The following SUPT6H variants were observed in gnomAD, a reference collection of about 807,000 sequenced individuals.
SUPT6H encodes transcription elongation factor SPT6.
SUPT6H carries 11 observed loss-of-function variants against 222.3 expected under a neutral mutation model. That is an observed-to-expected ratio of 0.05 (90% CI 0.03 to 0.08). SUPT6H has a LOEUF of 0.08. Ranked by LOEUF, SUPT6H falls within the 10% of genes least tolerant of loss-of-function variation. The pLI is 1.00. For synonymous variants in SUPT6H, 762 were observed against 801.2 expected (o/e 0.95, Z 0.83); for missense variants, 1,422 against 2,216.0 (o/e 0.64, Z 7.19).
intron 27 of SUPT6H, among the ~76,000 whole-genome samples, chr17:28,692,321 C>CAA (rs764698257): frequency 3.6e-5 from 4 of 110,026 alleles, no homozygotes; most frequent in Non-Finnish European, 3.8e-5. Flanking sequence ...GACTCTGTCT[C>CAA]AAAAAAAAAA....
intron 11 of SUPT6H, among the ~76,000 whole-genome samples, chr17:28,679,380 A>AAAAAGAATT (rs2030953021): frequency 6.6e-6 from 1 of 152,150 alleles, no homozygotes; most frequent in Non-Finnish European, 1.5e-5. Context: ...CTCAAAAAAA[A>AAAAAGAATT]AAAAGAATTA....
intron 23 of SUPT6H, 136 bp from the exon 24 acceptor site, chr17:28,687,955 T>C: frequency 1.1e-6 from 1 of 878,876 alleles, no homozygotes; most frequent in Non-Finnish European, 1.6e-6. Context: ...TTTTGAGTGG[T>C]CGATAGCATG....
At position 28,676,279 on chromosome 17, in the gene SUPT6H, G is replaced by A. The variant is rs2030740652; in HGVS notation, c.746G>A (p.Gly249Asp). ...GAGTATGAGGATGATGAGGCTGAGGGTGAAATCCGAGTGCGCCCCAAGAAG... is the reference window on the plus strand; with the variant it reads ...GAGTATGAGGATGATGAGGCTGAGGATGAAATCCGAGTGCGCCCCAAGAAG... ...EYEYEDDEAE[G>D]EIRVRPKKTT... Residue 249 changes from glycine (G) to aspartate (D), a missense_variant, in exon 7 of 37, where the codon GGT becomes GAT. Physicochemically the swap from Gly to Asp is moderately conservative, Grantham distance 94. This residue lies in a region of SUPT6H where 389 missense variants were observed against 544.6 expected (regional missense o/e 0.71). Transcript: ENST00000314616. The A allele has an allele frequency of 2.5e-6, 4 of 1,613,826 alleles. No individual in the cohort carries two copies. In the South Asian group the frequency reaches 4.4e-5, roughly 18 times the overall value.
chr17:28,688,161 A>G lies in SUPT6H; in HGVS notation c.3077A>G (p.Lys1026Arg). ...QLVTMCHMGP[K>R]VFMNCAGFLK... Reference sequence around the variant, plus strand: ...GTCACCATGTGCCACATGGGTCCCAAAGTCTTCATGAATTGTGCTGGCTTC... The same window carrying G: ...GTCACCATGTGCCACATGGGTCCCAGAGTCTTCATGAATTGTGCTGGCTTC... Residue 1026 changes from lysine to arginine, a missense_variant, in exon 24 of 37, where the codon AAA becomes AGA. Transcript: ENST00000314616. This position sits in a 1 kb window ranked among gnomAD's most constrained non-coding sequence, Gnocchi z 4.3. The G allele has an allele frequency of 6.2e-7, 1 of 1,613,894 alleles. No homozygotes were observed. Among genetic ancestry groups the G allele is most frequent in the Non-Finnish European group, 8.5e-7 (1 of 1,179,938 alleles).
rs775652609 is a variant in SUPT6H, at chr17:28,674,972, A to G, written c.348A>G (p.Gln116=). The part of the protein sequence containing the change: ...ENLGVKVKRG[Q]KYRRVKKMSD... ...AAGGCAGGTTTTCCCACCCCTAGCA[A>G]AAGTACCGGCGTGTCAAAAAAATGT... The change falls in exon 5 of 37, where the codon CAA becomes CAG. Residue 116 remains glutamine, a splice_region_variant and synonymous_variant. Coordinates refer to ENST00000314616, the MANE Select transcript of SUPT6H (RefSeq NM_003170.5). The G allele has an allele frequency of 5.6e-6, 9 of 1,613,394 alleles. No individual in the cohort carries two copies. The highest frequency in any genetic ancestry group is 2.2e-5 in the East Asian group (1 of 44,876).
rs575563746 is a variant in SUPT6H at position 28,701,873 on chromosome 17, G to T, written c.*248G>T. 3.9e-6 allele frequency: 2 copies of T among 509,450 alleles called. No homozygotes were observed. Among genetic ancestry groups the T allele is most frequent in the African/African-American group, 1.9e-5 (1 of 52,950 alleles). The allele number at this position is 509,450 out of a possible 1,614,324, so 31.6% of individuals were successfully genotyped here. On this transcript the variant is annotated 3_prime_UTR_variant, in exon 37 of 37. Coordinates refer to ENST00000314616, the MANE Select transcript of SUPT6H (RefSeq NM_003170.5). Reference sequence around the variant, plus strand: ...GTCCTGGGACCAGGCTGGGAGGGGAGTGTGGCAGGGAGGAGGAAGAGGAAG... The same window carrying T: ...GTCCTGGGACCAGGCTGGGAGGGGATTGTGGCAGGGAGGAGGAAGAGGAAG...
Position 28,687,445 on chromosome 17 carries a change from C to T in SUPT6H, c.2980C>T (p.Pro994Ser), listed in dbSNP as rs776183252. The change falls in exon 23 of 37, where the codon CCT (proline) becomes TCT (serine). Residue 994 changes from proline to serine, a missense_variant. By Grantham distance (74) the Pro-to-Ser change is moderately conservative. Coordinates refer to ENST00000314616, the MANE Select transcript of SUPT6H (RefSeq NM_003170.5). ...ALIQYVCGLG[P>S]RKGTHLLKIL... ...GATCCAGTATGTTTGTGGCCTGGGA[C>T]CTCGGAAAGGGACCCACCTCCTGAA... 6.2e-7 allele frequency: 1 copy of T among 1,614,076 alleles called. No homozygotes were observed. Among genetic ancestry groups the T allele is most frequent in the Non-Finnish European group, 8.5e-7 (1 of 1,180,030 alleles).
Position 28,678,583 on chromosome 17 carries a change from G to T in SUPT6H, c.1155G>T (p.Glu385Asp), listed in dbSNP as rs770130597. The change falls in exon 10 of 37, where the codon GAG becomes GAT. Residue 385 changes from glutamate to aspartate, a missense_variant. Physicochemically the swap from Glu to Asp is conservative, Grantham distance 45 (BLOSUM62 2). Transcript: ENST00000314616. Reference protein sequence around the residue: ...FIAFYRKEYVEPELHINDLWR... With the variant: ...FIAFYRKEYVDPELHINDLWR... Reference sequence around the variant, plus strand: ...CCTTCTATCGAAAGGAGTATGTGGAGCCTGAGTTGCACATCAATGACCTAT... The same window carrying T: ...CCTTCTATCGAAAGGAGTATGTGGATCCTGAGTTGCACATCAATGACCTAT... The T allele has an allele frequency of 1.2e-6, 2 of 1,614,184 alleles. No homozygotes were observed. Among genetic ancestry groups the T allele is most frequent in the Admixed American group, 3.3e-5 (2 of 60,022 alleles).
chr17:28,667,542 A>G (rs147420373), intron 1 of SUPT6H, among the ~76,000 whole-genome samples: 1 of 148,856 alleles, frequency 6.7e-6, no homozygotes, highest in East Asian at 2.0e-4. Context: ...TGTTTTATAT[A>G]TATATATGTA....
chr17:28,698,701 A>G (rs1236442768), intron 32 of SUPT6H, among the ~76,000 whole-genome samples: 1 of 152,186 alleles, frequency 6.6e-6, no homozygotes, highest in African/African-American at 2.4e-5. Flanking sequence ...GGCCATGTGC[A>G]CTTCTGCTTT....
rs961406093 is a variant in SUPT6H at position 28,686,965 on chromosome 17, G to T, written c.2701-123G>T. ...GATTGGGAGTCCCAGAAATTAAATC[G>T]GTCTCAGGAAAAAAGATCCCAGAGA... On this transcript the variant is annotated intron_variant, in intron 21 of 36. Transcript: ENST00000314616. The T allele has an allele frequency of 4.0e-6, 6 of 1,496,692 alleles. No homozygotes were observed. In the Admixed American group the frequency reaches 6.4e-5, roughly 16 times the overall value. The allele number at this position is 1,496,692 out of a possible 1,614,324, so 92.7% of individuals were successfully genotyped here.
At position 28,665,584 on chromosome 17, in the gene SUPT6H, C is replaced by T. The variant is rs528071230; in HGVS notation, c.-32+3242C>T. 5.3e-5 allele frequency among the ~76,000 whole-genome samples: 8 copies of T among 152,228 alleles called. No individual in the cohort carries two copies. In the South Asian group the frequency reaches 1.2e-3, roughly 24 times the overall value. On this transcript the variant is annotated intron_variant, in intron 1 of 36. Coordinates refer to ENST00000314616, the MANE Select transcript of SUPT6H (RefSeq NM_003170.5). ...CCCAGGCTGGCCAACATGGTGAAAC[C>T]CCGTCTCTGTTAAAGATACAAAGAA...
rs764210298 is a variant in SUPT6H, at chr17:28,695,472, A to G, written c.3895A>G (p.Thr1299Ala). The change falls in exon 29 of 37, where the codon ACC (threonine) becomes GCC (alanine). Residue 1299 changes from threonine (T) to alanine (A), a missense_variant. Thr to Ala is a moderately conservative substitution (Grantham distance 58, BLOSUM62 0). Around this residue, in one of 13 missense-constraint regions of SUPT6H, gnomAD observed 395 missense variants for 580.6 expected, o/e 0.68. Coordinates refer to ENST00000314616, the MANE Select transcript of SUPT6H (RefSeq NM_003170.5). Reference sequence around the variant, plus strand: ...CAATGAGTGGAAGCTGCCCAAAGACACCTACTATGACTTTGATGCTGAAGC... The same window carrying G: ...CAATGAGTGGAAGCTGCCCAAAGACGCCTACTATGACTTTGATGCTGAAGC... ...RNNEWKLPKDTYYDFDAEAAD... is the reference protein window; with the variant it reads ...RNNEWKLPKDAYYDFDAEAAD... 1 of 1,614,068 alleles carries G rather than the reference A, an allele frequency of 6.2e-7. No homozygotes were observed. The highest frequency in any genetic ancestry group is 8.5e-7 in the Non-Finnish European group (1 of 1,180,026).
intron 35 of SUPT6H, 73 bp from the exon 36 acceptor site, chr17:28,700,868 G>A: frequency 3.3e-6 from 5 of 1,522,794 alleles, no homozygotes; most frequent in African/African-American, 2.7e-5. Flanking sequence ...CCACCCTTGC[G>A]CTTACCCAGA....
At position 28,688,483 on chromosome 17, in the gene SUPT6H, C is replaced by G. The variant is rs1441630456; in HGVS notation, c.3134+265C>G. Reference sequence around the variant, plus strand: ...AGCATGGAAAACACAAGATTTTGTTCAGTAAACACAAACTTGCTTTTTTAT... The same window carrying G: ...AGCATGGAAAACACAAGATTTTGTTGAGTAAACACAAACTTGCTTTTTTAT... On this transcript the variant is annotated intron_variant, in intron 24 of 36. Transcript: ENST00000314616. The surrounding 1 kb of genome is among the most constrained non-coding windows in gnomAD (Gnocchi z 4.3). The G allele has an allele frequency of 3.7e-6, 1 of 270,462 alleles. No individual in the cohort carries two copies. The highest frequency in any genetic ancestry group is 5.3e-5 in the Admixed American group (1 of 18,826). 16.8% of individuals were successfully genotyped at this position (270,462 alleles called of 1,614,324 possible).
Position 28,678,196 on chromosome 17 carries a change from A to G in SUPT6H, c.1116+4A>G. 6.2e-7 allele frequency: 1 copy of G among 1,603,878 alleles called. No homozygotes were observed. The highest frequency in any genetic ancestry group is 8.5e-7 in the Non-Finnish European group (1 of 1,173,296). On this transcript the variant is annotated splice_donor_region_variant and intron_variant, in intron 9 of 36. Transcript: ENST00000314616. ...CATGCGAAATCAGCATTTTGAGGTA[A>G]CACCTCAAGCTCTGGTGGCCCATTG...
At chr17:28,669,099 A>T (rs1255480078) in intron 1 of SUPT6H, among the ~76,000 whole-genome samples, 1 of 152,234 alleles carries the variant, frequency 6.6e-6, no homozygotes, top group Non-Finnish European at 1.5e-5. Context: ...TATTTACCAG[A>T]TTCGAAATTA....
Position 28,697,637 on chromosome 17 carries a change from T to A in SUPT6H, c.4227T>A (p.Asp1409Glu). 6.3e-7 allele frequency: 1 copy of A among 1,597,788 alleles called. No individual in the cohort carries two copies. Among genetic ancestry groups the A allele is most frequent in the African/African-American group, 1.3e-5 (1 of 74,738 alleles). Residue 1409 changes from aspartate to glutamate, a missense_variant, in exon 31 of 37, where the codon GAT (aspartate) becomes GAA (glutamate). This residue lies in a region of SUPT6H where 395 missense variants were observed against 580.6 expected (regional missense o/e 0.68). Transcript: ENST00000314616. The part of the protein sequence containing the change: ...WINSEEFEDL[D>E]EIVARYVQPM... ...TCCCACAGGAATTCGAAGATTTGGA[T>A]GAGATTGTTGCTCGCTATGTCCAGC... is the stretch of plus-strand genomic sequence containing the variant.
At chr17:28,677,650 G>C in intron 7 of SUPT6H, 65 bp from the exon 8 acceptor site, 1 of 1,162,620 alleles carries the variant, frequency 8.6e-7, no homozygotes, top group Non-Finnish European at 1.3e-6. Context: ...GTCCAAAAAG[G>C]TATGTTTTTC....
Sources: gnomAD v4.1 joint callset for allele counts (sites outside exome capture counted in the v4.1 genomes callset) on GRCh38, gnomAD v4.1.1 for gene constraint, gnomAD v4.1.1 regional missense constraint, Gnocchi (gnomAD v3.1) non-coding constraint, MANE v1.5 for transcripts, NCBI Gene and HGNC (gene_info 2026-07-23, HGNC 2026-07-21) for gene names.